The following BBS9 variants were observed in gnomAD, a reference collection of about 807,000 sequenced individuals.
BBS9 encodes protein PTHB1.
Under a neutral mutation model 117.7 loss-of-function variants are expected in BBS9, and 89 were observed. The ratio of observed to expected loss-of-function variants is 0.76; its 90% confidence interval spans 0.64 to 0.90. The LOEUF is 0.90. Among genes scored for constraint, BBS9 ranks in the 40% least tolerant of loss-of-function variants. The pLI, the probability that BBS9 is intolerant of heterozygous loss-of-function variation, is 0.00. For synonymous variants in BBS9, 379 were observed against 370.9 expected, an observed-to-expected ratio of 1.02 and a Z score of -0.25; for missense variants, 982 against 1,042.2, an observed-to-expected ratio of 0.94 and a Z score of 0.80.
At chr7:33,192,269 T>G (rs115148604) in intron 5 of BBS9, among the ~76,000 whole-genome samples, 344 of 152,334 alleles carry the variant, frequency 2.3e-3, no homozygotes, top group African/African-American at 8.1e-3. Context: ...TATTGGTGTT[T>G]ATTTTGTATT....
intron 4 of BBS9, among the ~76,000 whole-genome samples, chr7:33,173,781 C>T (rs1796948910): frequency 6.6e-6 from 1 of 152,076 alleles, no homozygotes; most frequent in African/African-American, 2.4e-5. Context: ...AATACTTATG[C>T]ACGTATAAGC....
chr7:33,612,192 A>T (rs1157110448), intron 21 of BBS9, among the ~76,000 whole-genome samples: 7 of 152,146 alleles, frequency 4.6e-5, no homozygotes, highest in African/African-American at 1.7e-4. Context: ...TTGGGATAAA[A>T]ATTAAGTTAC....
intron 19 of BBS9, among the ~76,000 whole-genome samples, chr7:33,451,105 G>A (rs573045560): frequency 1.1e-4 from 16 of 152,016 alleles, no homozygotes; most frequent in Non-Finnish European, 1.9e-4. Context: ...AGCCAGGATG[G>A]TCTCGATCTC....
Position 33,469,148 on chromosome 7 carries a change from C to G in BBS9, c.2116-36315C>G, listed in dbSNP as rs1406370319. Among the ~76,000 whole-genome samples, 11 of 144,076 alleles carry G rather than the reference C, an allele frequency of 7.6e-5. No individual in the cohort carries two copies. The South Asian group carries it at 2.2e-3, about 29-fold the overall frequency. The allele number at this position is 144,076 out of a possible 152,430, so 94.5% of individuals were successfully genotyped here. A position where few individuals can be genotyped will look rare whatever the true frequency, so the allele number is the denominator to read the frequency against. On this transcript the variant is annotated intron_variant, in intron 19 of 22. Transcript: ENST00000242067. ...TCATCACCCCATTCAGTATATTGGT[C>G]GAATCTGAGGGAGAATAAAGAGACT...
At position 33,605,208 on chromosome 7, in the gene BBS9, C is replaced by T. The variant is rs61753527; in HGVS notation, c.2646C>T (p.Leu882=). The change falls in exon 23 of 23, where the codon CTC becomes CTT. Residue 882 remains leucine (L), a synonymous_variant. Transcript: ENST00000242067. ...CTTTTTTTCCAGAAGTTTCACCCCT[C>T]CAAGGAGTCTCGGAATAATTCAAGT... The part of the protein sequence containing the change: ...AETPRPEVSP[L]QGVSE 2 of 1,612,804 alleles carry T rather than the reference C, an allele frequency of 1.2e-6. No homozygotes were observed. The highest frequency in any genetic ancestry group is 1.7e-6 in the Non-Finnish European group (2 of 1,178,828).
intron 21 of BBS9, among the ~76,000 whole-genome samples, chr7:33,628,105 T>A (rs1261113987): frequency 6.6e-6 from 1 of 152,252 alleles, no homozygotes. Context: ...TGAAGACATA[T>A]CAATCCTACA....
intron 21 of BBS9, among the ~76,000 whole-genome samples, chr7:33,551,785 T>C (rs1185514151): frequency 6.6e-6 from 1 of 152,200 alleles, no homozygotes; most frequent in Non-Finnish European, 1.5e-5. Context: ...GAATGCCAGC[T>C]GTTGACCATT....
intron 17 of BBS9, among the ~76,000 whole-genome samples, chr7:33,374,260 A>G (rs1314709107): frequency 6.6e-6 from 1 of 152,156 alleles, no homozygotes. Flanking sequence ...CTGATGCTTG[A>G]TAAAGCATGA....
chr7:33,547,104 G>A (rs898222323), intron 21 of BBS9, among the ~76,000 whole-genome samples: 5 of 152,176 alleles, frequency 3.3e-5, no homozygotes, highest in African/African-American at 4.8e-5. Context: ...TCTTCACTCA[G>A]CTTCCCCTGA....
intron 9 of BBS9, among the ~76,000 whole-genome samples, chr7:33,299,556 TAATC>T (rs1212139442): frequency 4.0e-5 from 6 of 149,072 alleles, no homozygotes; most frequent in Non-Finnish European, 5.9e-5. Flanking sequence ...AATTTAATAA[TAATC>T]AATATTATTA....
chr7:33,632,105 T>C (rs1865917418), intron 21 of BBS9, among the ~76,000 whole-genome samples: 2 of 152,182 alleles, frequency 1.3e-5, no homozygotes, highest in African/African-American at 2.4e-5. Flanking sequence ...TAATGGAATA[T>C]GGCATAAGGA....
chr7:33,373,642 A>AT (rs1325851641), intron 17 of BBS9, among the ~76,000 whole-genome samples: 4 of 152,182 alleles, frequency 2.6e-5, no homozygotes, highest in Non-Finnish European at 5.9e-5. Flanking sequence ...AGTATACCTA[A>AT]TGTGTAGCAA....
intron 18 of BBS9, among the ~76,000 whole-genome samples, chr7:33,387,073 A>G (rs1442989861): frequency 1.3e-5 from 2 of 152,192 alleles, no homozygotes; most frequent in African/African-American, 4.8e-5. Context: ...ATATCAGCAC[A>G]TAGTAGTCTT....
At chr7:33,131,375 T>C (rs1210307259) in intron 1 of BBS9, among the ~76,000 whole-genome samples, 1 of 152,268 alleles carries the variant, frequency 6.6e-6, no homozygotes, top group Non-Finnish European at 1.5e-5. Context: ...GGTCAGAAAG[T>C]GCACCCAGAG....
chr7:33,497,272 A>G (rs986589529), intron 19 of BBS9, among the ~76,000 whole-genome samples: 1 of 152,168 alleles, frequency 6.6e-6, no homozygotes, highest in Non-Finnish European at 1.5e-5. Context: ...TCAAATTGGG[A>G]GCCTGACAGT....
At chr7:33,192,111 A>G (rs1784216198) in intron 5 of BBS9, among the ~76,000 whole-genome samples, 1 of 152,214 alleles carries the variant, frequency 6.6e-6, no homozygotes, top group African/African-American at 2.4e-5. Context: ...CTTACCACCT[A>G]AAGGGCCCAA....
At chr7:33,558,006 A>G (rs17728161) in intron 21 of BBS9, among the ~76,000 whole-genome samples, 6,734 of 152,340 alleles carry the variant, frequency 0.044, 218 homozygotes, top group Middle Eastern at 0.082. Flanking sequence ...CAGTTCATAG[A>G]AAGAAGTGAG....
At chr7:33,313,328 G>A (rs1194093837) in intron 9 of BBS9, among the ~76,000 whole-genome samples, 1 of 152,132 alleles carries the variant, frequency 6.6e-6, no homozygotes, top group Non-Finnish European at 1.5e-5. Context: ...CCTGAACATT[G>A]TAGGTGCTAA....
At chr7:33,344,414 G>A (rs1817221733) in intron 11 of BBS9, among the ~76,000 whole-genome samples, 167 bp from the exon 12 acceptor site, 1 of 152,088 alleles carries the variant, frequency 6.6e-6, no homozygotes, top group Non-Finnish European at 1.5e-5. Flanking sequence ...TCTGGACGAA[G>A]GCATCAAAAA....
Sources: gnomAD v4.1 joint callset for allele counts (sites outside exome capture counted in the v4.1 genomes callset) on GRCh38, gnomAD v4.1.1 for gene constraint, MANE v1.5 for transcripts, NCBI Gene and HGNC (gene_info 2026-07-23, HGNC 2026-07-21) for gene names.